The following CCAR2 variants were observed in gnomAD, a reference collection of about 807,000 sequenced individuals.
CCAR2 encodes the protein cell cycle and apoptosis regulator protein 2.
CCAR2 carries 21 observed loss-of-function variants against 108.1 expected under a neutral mutation model. The observed-to-expected ratio is 0.19, with a 90% CI of 0.14 to 0.28. The LOEUF is 0.28. Among genes scored for constraint, CCAR2 ranks in the 10% least tolerant of loss-of-function variants. The pLI, the probability that CCAR2 is intolerant of heterozygous loss-of-function variation, is 1.00. For missense variants in CCAR2, 1,126 were observed against 1,177.0 expected, an observed-to-expected ratio of 0.96 and a Z score of 0.63; for synonymous variants, 577 against 472.8, an observed-to-expected ratio of 1.22 and a Z score of -2.86.
At chr8:22,618,139 G>C (rs1042285036) in intron 16 of CCAR2, 1 of 633,160 alleles carries the variant, frequency 1.6e-6, no homozygotes, top group Non-Finnish European at 2.7e-6. Context: ...GAGCACAGTG[G>C]TTATTCACAG....
intron 7 of CCAR2, among the ~76,000 whole-genome samples, chr8:22,610,902 C>G (rs1453090108): frequency 6.6e-6 from 1 of 152,110 alleles, no homozygotes; most frequent in Non-Finnish European, 1.5e-5. Flanking sequence ...AATGAATGGT[C>G]TAAAGGTTTT....
intron 17 of CCAR2, 23 bp downstream of exon 17, chr8:22,618,518 G>C (rs1265918210): frequency 6.2e-7 from 1 of 1,614,032 alleles, no homozygotes; most frequent in African/African-American, 1.3e-5. Context: ...CTCTGCCCCA[G>C]CACATGGGCA....
chr8:22,620,164 G>C lies in CCAR2; in HGVS notation c.*482G>C, dbSNP rs1024489634. 1 of 160,810 alleles carries C rather than the reference G, an allele frequency of 6.2e-6. No homozygotes were observed. The highest frequency in any genetic ancestry group is 2.4e-5 in the African/African-American group (1 of 41,474). 10.0% of individuals were successfully genotyped at this position (160,810 alleles called of 1,614,324 possible). A position where few individuals can be genotyped will look rare whatever the true frequency, so the allele number is the denominator to read the frequency against. On this transcript the variant is annotated 3_prime_UTR_variant, in exon 21 of 21. Coordinates refer to ENST00000308511, the MANE Select transcript of CCAR2 (RefSeq NM_001393997.1). The stretch of plus-strand genomic sequence containing the variant: ...CTAGGTTCCGGACACAGGCTTCTGG[G>C]GGAAGGGTCTCCCTTGGCCATCACG...
intron 1 of CCAR2, 178 bp from the exon 2 acceptor site, chr8:22,605,558 A>G (rs2117406287): frequency 8.5e-6 from 5 of 585,276 alleles, no homozygotes; most frequent in South Asian, 8.4e-5. Context: ...AACTGGAACA[A>G]TGTAATTTCT....
rs140743871 is a variant in CCAR2 at position 22,615,542 on chromosome 8, C to G, written c.1323C>G (p.Ala441=). Residue 441 remains alanine (A), a synonymous_variant, in exon 12 of 21, where the codon GCC becomes GCG. Coordinates refer to ENST00000308511, the MANE Select transcript of CCAR2 (RefSeq NM_001393997.1). ...TGCCTACTTTGGAGGAGTGGGAGGC[C>G]CTGTGCCAGCAGAAAGCTGCAGAGG... The part of the protein sequence containing the change: ...TIMPTLEEWE[A]LCQQKAAEAA... 1 of 1,613,882 alleles carries G rather than the reference C, an allele frequency of 6.2e-7. No individual in the cohort carries two copies. The highest frequency in any genetic ancestry group is 1.1e-5 in the South Asian group (1 of 91,080).
rs770614489 is a variant in CCAR2, at chr8:22,615,760, G to A, written c.1456G>A (p.Glu486Lys). 1 of 1,613,798 alleles carries A rather than the reference G, an allele frequency of 6.2e-7. No homozygotes were observed. Among genetic ancestry groups the A allele is most frequent in the Non-Finnish European group, 8.5e-7 (1 of 1,180,026 alleles). ...DTSRRNAETP[E>K]ATTQQETDTD... Reference sequence around the variant, plus strand: ...TTCTAGACGGAACGCAGAAACTCCAGAGGCCACCACACAGCAGGAAACGGA... The same window carrying A: ...TTCTAGACGGAACGCAGAAACTCCAAAGGCCACCACACAGCAGGAAACGGA... Residue 486 changes from glutamate (E) to lysine (K), a missense_variant, in exon 13 of 21, where the codon GAG becomes AAG. Glu to Lys is a moderately conservative substitution (Grantham distance 56, BLOSUM62 1). Transcript: ENST00000308511.
At position 22,619,266 on chromosome 8, in the gene CCAR2, C is replaced by T. The variant is rs771565165; in HGVS notation, c.2638C>T (p.Arg880Ter). ...EAEETARTAE[R>*]QKSQLQRLLQ... Reference sequence around the variant, plus strand: ...CGAGGAGACCGCCCGGACGGCGGAGCGACAGAAGAGCCAGCTCCAGCGGCT... The same window carrying T: ...CGAGGAGACCGCCCGGACGGCGGAGTGACAGAAGAGCCAGCTCCAGCGGCT... Residue 880 changes from arginine to a stop codon, truncating the protein, a stop_gained, in exon 20 of 21, where the codon CGA (arginine) becomes TGA (stop). Transcript: ENST00000308511. LOFTEE classifies it high-confidence loss of function. 4 of 1,564,678 alleles carry T rather than the reference C, an allele frequency of 2.6e-6. No individual in the cohort carries two copies. Among genetic ancestry groups the T allele is most frequent in the African/African-American group, 1.4e-5 (1 of 73,818 alleles).
chr8:22,612,249 G>C (rs1801314218), intron 7 of CCAR2, among the ~76,000 whole-genome samples: 1 of 141,528 alleles, frequency 7.1e-6, no homozygotes, highest in Non-Finnish European at 1.5e-5. Flanking sequence ...GCCCAGCCTT[G>C]TAACCGTCTC....
chr8:22,616,360 C>T (rs1402189827), intron 14 of CCAR2, 112 bp downstream of exon 14: 4 of 998,904 alleles, frequency 4.0e-6, no homozygotes, highest in Non-Finnish European at 6.1e-6. Context: ...TGCACCCTTG[C>T]TCGGCATGGA....
chr8:22,615,757 C>G lies in CCAR2; in HGVS notation c.1453C>G (p.Pro485Ala). ...ADTSRRNAET[P>A]EATTQQETDT... is the part of the protein sequence containing the mutation. ...CACTTCTAGACGGAACGCAGAAACT[C>G]CAGAGGCCACCACACAGCAGGAAAC... Residue 485 changes from proline to alanine, a missense_variant, in exon 13 of 21, where the codon CCA becomes GCA. Around this residue, in one of 4 missense-constraint regions of CCAR2, gnomAD observed 1,013 missense variants for 993.9 expected, o/e 1.02. Coordinates refer to ENST00000308511, the MANE Select transcript of CCAR2 (RefSeq NM_001393997.1). The G allele has an allele frequency of 6.2e-7, 1 of 1,613,878 alleles. No individual in the cohort carries two copies. Among genetic ancestry groups the G allele is most frequent in the South Asian group, 1.1e-5 (1 of 91,082 alleles).
intron 20 of CCAR2, 90 bp downstream of exon 20, chr8:22,619,445 C>T (rs781625923): frequency 6.8e-6 from 10 of 1,466,834 alleles, no homozygotes; most frequent in Non-Finnish European, 7.4e-6. Context: ...TCGGGAGTGA[C>T]CAGAGGGCCA....
chr8:22,611,360 C>CAA (rs533441943), intron 7 of CCAR2, among the ~76,000 whole-genome samples: 4 of 99,744 alleles, frequency 4.0e-5, no homozygotes, highest in African/African-American at 7.5e-5. Flanking sequence ...GACTCTGTCT[C>CAA]AAAAAAAAAA....
At position 22,618,648 on chromosome 8, in the gene CCAR2, A is replaced by G. The variant is rs200620512; in HGVS notation, c.2252A>G (p.Gln751Arg). Reference protein sequence around the residue: ...AKQLVSRVVTQNICQYRSLQY... With the variant: ...AKQLVSRVVTRNICQYRSLQY... ...CAGCTGGTCAGCAGGGTGGTGACCCAGAACATCTGCCAGTACCGGAGCCTT... is the reference window on the plus strand; with the variant it reads ...CAGCTGGTCAGCAGGGTGGTGACCCGGAACATCTGCCAGTACCGGAGCCTT... The change falls in exon 18 of 21, where the codon CAG (glutamine) becomes CGG (arginine). Residue 751 changes from glutamine to arginine, a missense_variant. Around this residue, in one of 4 missense-constraint regions of CCAR2, gnomAD observed 1,013 missense variants for 993.9 expected, o/e 1.02. Transcript: ENST00000308511. 1 of 1,614,018 alleles carries G rather than the reference A, an allele frequency of 6.2e-7. No individual in the cohort carries two copies. The highest frequency in any genetic ancestry group is 1.3e-5 in the African/African-American group (1 of 74,948).
chr8:22,613,469 T>C (rs1801375366), intron 8 of CCAR2, among the ~76,000 whole-genome samples: 1 of 151,024 alleles, frequency 6.6e-6, no homozygotes. Context: ...GGAATGAACA[T>C]CCTTCTACCT....
chr8:22,615,075 C>A (rs892435917), intron 11 of CCAR2, 74 bp downstream of exon 11: 2 of 1,442,480 alleles, frequency 1.4e-6, no homozygotes, highest in African/African-American at 2.9e-5. Context: ...GGCCCGGTCC[C>A]TGCCCCTTTC....
rs1452189041 is a variant in CCAR2 at position 22,617,448 on chromosome 8, T to C, written c.1874T>C (p.Leu625Pro). Residue 625 changes from leucine to proline, a missense_variant, in exon 15 of 21, where the codon CTC becomes CCC. This residue lies in a region of CCAR2 where 1,013 missense variants were observed against 993.9 expected (regional missense o/e 1.02). Transcript: ENST00000308511. ...GAGGATGGGCTTTTGCCCAAACCAC[T>C]CTCTTCTGGGGGAGAGGAAGAAGAA... ...LKEDGLLPKP[L>P]SSGGEEEEKP... The C allele has an allele frequency of 6.3e-7, 1 of 1,578,064 alleles. No individual in the cohort carries two copies. Among genetic ancestry groups the C allele is most frequent in the Non-Finnish European group, 8.6e-7 (1 of 1,164,266 alleles).
downstream of CCAR2, chr8:22,620,653 G>A (rs567152376): frequency 1.3e-5 from 2 of 152,174 alleles, no homozygotes; most frequent in African/African-American, 2.4e-5. Context: ...CTCCGTGGAG[G>A]GCAGCAGGCC....
At chr8:22,612,288 A>G (rs1801316065) in intron 7 of CCAR2, among the ~76,000 whole-genome samples, 1 of 141,790 alleles carries the variant, frequency 7.1e-6, no homozygotes. Flanking sequence ...TTTTTTTTTG[A>G]GACGGAGTCT....
At position 22,619,337 on chromosome 8, in the gene CCAR2, C is replaced by A; in HGVS notation, c.2709C>A (p.Ile903=). Residue 903 remains isoleucine (I), a synonymous_variant, in exon 20 of 21, where the codon ATC becomes ATA. Coordinates refer to ENST00000308511, the MANE Select transcript of CCAR2 (RefSeq NM_001393997.1). ...RRRLTPLQLE[I]QRVVEKADSW... is the part of the protein sequence containing the mutation. ...GTCTGACCCCCCTGCAGCTGGAGAT[C>A]CAGCGGGTGGTGGAAAAGGTAAGGT... The A allele has an allele frequency of 6.4e-7, 1 of 1,560,578 alleles. No individual in the cohort carries two copies.
Sources: allele counts gnomAD v4.1 joint callset (sites outside exome capture counted in the v4.1 genomes callset), GRCh38; gene constraint gnomAD v4.1.1; regional missense constraint gnomAD v4.1.1; transcripts MANE v1.5; gene names NCBI Gene and HGNC (gene_info 2026-07-23, HGNC 2026-07-21).